Variants in MCCC1 observed in about 807,000 individuals in gnomAD.
MCCC1 encodes methylcrotonyl-CoA carboxylase subunit 1, also known as methylcrotonoyl-CoA carboxylase subunit alpha, mitochondrial.
In MCCC1, 64 loss-of-function variants were observed where a neutral mutation model predicts 83.8. The observed-to-expected ratio is 0.76, with a 90% CI of 0.62 to 0.94. The LOEUF is 0.94. MCCC1 is among the 40% of genes least tolerant of loss of function. MCCC1 has a pLI of 0.00. For synonymous variants in MCCC1, 322 were observed against 315.4 expected, an observed-to-expected ratio of 1.02 and a Z score of -0.22; for missense variants, 807 against 904.7, an observed-to-expected ratio of 0.89 and a Z score of 1.39.
In MCCC1 at chr3:183,037,416, T is replaced by C; in HGVS notation, c.1396A>G (p.Asn466Asp). The C allele has an allele frequency of 6.2e-7, 1 of 1,614,140 alleles. No individual in the cohort carries two copies. The highest frequency in any genetic ancestry group is 8.5e-7 in the Non-Finnish European group (1 of 1,180,020). Residue 466 changes from asparagine to aspartate, a missense_variant, in exon 13 of 19, where the codon AAC becomes GAC. Transcript: ENST00000265594. ...RQYNIVGLHTNIDFLLNLSGH... is the reference protein window; with the variant it reads ...RQYNIVGLHTDIDFLLNLSGH... ...GACAGGTTGAGTAAGAAGTCAATGTTGGTGTGCAGTCCAACAATCTAGGAA... is the reference window on the plus strand; with the variant it reads ...GACAGGTTGAGTAAGAAGTCAATGTCGGTGTGCAGTCCAACAATCTAGGAA...
chr3:183,062,926 T>C (rs13066020), intron 7 of MCCC1, among the ~76,000 whole-genome samples: 136,224 of 152,166 alleles, frequency 0.9, 61,366 homozygotes, highest in East Asian at 1. Context: ...ACAGATGCAG[T>C]TGAGTCCTAT....
At chr3:183,094,875 A>C (rs1005488465) in intron 1 of MCCC1, among the ~76,000 whole-genome samples, 1 of 152,198 alleles carries the variant, frequency 6.6e-6, no homozygotes, top group Non-Finnish European at 1.5e-5. Context: ...TTAAACAACC[A>C]AGGTATACCA....
chr3:183,015,966 T>C (rs1469501345), intron 18 of MCCC1, among the ~76,000 whole-genome samples: 6 of 151,892 alleles, frequency 4.0e-5, no homozygotes, highest in African/African-American at 1.2e-4. Context: ...TCTCACTCTG[T>C]CACCCAGGCT....
intron 18 of MCCC1, among the ~76,000 whole-genome samples, chr3:183,015,895 T>C (rs1478134440): frequency 6.6e-6 from 1 of 151,956 alleles, no homozygotes; most frequent in Admixed American, 6.6e-5. Flanking sequence ...CAACAGTTTT[T>C]TGTTTGCTTG....
intron 1 of MCCC1, 100 bp downstream of exon 1, chr3:183,099,252 C>G (rs549234777): frequency 7.1e-7 from 1 of 1,407,800 alleles, no homozygotes; most frequent in South Asian, 1.2e-5. Flanking sequence ...CCGTCCTCCC[C>G]ACACCGACCC....
Position 183,041,161 on chromosome 3 carries a change from AT to A in MCCC1, c.1267+405del, listed in dbSNP as rs1441886387. Among the ~76,000 whole-genome samples, 7 of 152,182 alleles carry A rather than the reference AT, an allele frequency of 4.6e-5. No homozygotes were observed. In the South Asian group the frequency reaches 6.2e-4, roughly 14 times the overall value. On this transcript the variant is annotated intron_variant, in intron 11 of 18. Coordinates refer to ENST00000265594, the MANE Select transcript of MCCC1 (RefSeq NM_020166.5). ...GCTCTTCCACTGTTTCTTTACTTTA[AT>A]TTTTTTATTGTTTAGCTTATACTAA...
upstream of MCCC1, chr3:183,099,711 G>C (rs1211608283): frequency 1.8e-6 from 1 of 564,262 alleles, no homozygotes; most frequent in African/African-American, 1.9e-5. Flanking sequence ...GGCCTGCTCT[G>C]ACTAAGGCAA....
chr3:183,080,845 G>A (rs141711347), intron 4 of MCCC1, among the ~76,000 whole-genome samples: 1 of 152,360 alleles, frequency 6.6e-6, no homozygotes, highest in Admixed American at 6.5e-5. Context: ...GGCAGGCAAA[G>A]AGAGAGCTTG....
At chr3:183,114,983 C>T (rs949693394) in intron 1 of MCCC1, among the ~76,000 whole-genome samples, 3 of 152,116 alleles carry the variant, frequency 2.0e-5, no homozygotes, top group Admixed American at 1.3e-4. Context: ...TCTCCCGGCT[C>T]GTGGTGCTAA....
intron 10 of MCCC1, among the ~76,000 whole-genome samples, chr3:183,042,050 C>T (rs1446445788): frequency 6.6e-6 from 1 of 152,134 alleles, no homozygotes; most frequent in Non-Finnish European, 1.5e-5. Flanking sequence ...ATAATCAAAA[C>T]CAAAACTTCT....
At chr3:183,044,099 A>C (rs1714335033) in intron 10 of MCCC1, among the ~76,000 whole-genome samples, 1 of 152,206 alleles carries the variant, frequency 6.6e-6, no homozygotes, top group African/African-American at 2.4e-5. Context: ...ATTATTATCT[A>C]CAGAAGTTCT....
rs906318651 is a variant in MCCC1 at position 183,064,777 on chromosome 3, C to T, written c.761+6222G>A. On this transcript the variant is annotated intron_variant, in intron 7 of 18. Transcript: ENST00000265594. This position sits in a 1 kb window ranked among gnomAD's most constrained non-coding sequence, Gnocchi z 4.5. ...AGCGGGTAATGTAGGGGTGCAGCACCGGCAGGAGGCGCCTCAGAGCCATGG... is the reference window on the plus strand; with the variant it reads ...AGCGGGTAATGTAGGGGTGCAGCACTGGCAGGAGGCGCCTCAGAGCCATGG... 2.0e-5 allele frequency among the ~76,000 whole-genome samples: 3 copies of T among 152,214 alleles called. No homozygotes were observed. The highest frequency in any genetic ancestry group is 6.5e-5 in the Admixed American group (1 of 15,284).
At chr3:183,039,938 T>C (rs1359636596) in intron 11 of MCCC1, among the ~76,000 whole-genome samples, 2 of 151,102 alleles carry the variant, frequency 1.3e-5, no homozygotes, top group South Asian at 2.1e-4. Flanking sequence ...CTACTAAAAA[T>C]ACAAAAAATT....
At chr3:183,057,271 A>G (rs1177406065) in intron 8 of MCCC1, 40 bp downstream of exon 8, 10 of 1,419,380 alleles carry the variant, frequency 7.0e-6, no homozygotes, top group African/African-American at 2.8e-5. Flanking sequence ...TAAGATTCAC[A>G]TTACGGAGAA....
intron 3 of MCCC1, 98 bp downstream of exon 3, chr3:183,092,311 A>G (rs1157216458): frequency 9.3e-6 from 14 of 1,508,624 alleles, no homozygotes; most frequent in Non-Finnish European, 1.3e-5. Flanking sequence ...TTCAACCCTG[A>G]TAACACTAGC....
Position 183,015,581 on chromosome 3 carries a change from G to A in MCCC1, c.2050-15C>T, listed in dbSNP as rs200911643. ...TTTATGGTATGCTGCAGAGACACAT[G>A]ACAGGACAAATGATAGCTGCAATAC... On this transcript the variant is annotated splice_polypyrimidine_tract_variant and intron_variant, in intron 18 of 18. Coordinates refer to ENST00000265594, the MANE Select transcript of MCCC1 (RefSeq NM_020166.5). 9 of 1,613,972 alleles carry A rather than the reference G, an allele frequency of 5.6e-6. No homozygotes were observed. The East Asian group carries it at 2.0e-4, about 36-fold the overall frequency.
At chr3:183,089,648 A>T (rs542281826) in intron 3 of MCCC1, among the ~76,000 whole-genome samples, 1 of 151,890 alleles carries the variant, frequency 6.6e-6, no homozygotes, top group South Asian at 2.1e-4. Context: ...GAGTTAAGTT[A>T]TAGGTGGGAG....
At chr3:183,104,241 G>A (rs550626936), upstream of MCCC1, among the ~76,000 whole-genome samples, 1 of 152,322 alleles carries the variant, frequency 6.6e-6, no homozygotes, top group African/African-American at 2.4e-5. Flanking sequence ...GCCAAACTGG[G>A]AGCCCAGGCA....
Position 183,041,738 on chromosome 3 carries a change from C to T in MCCC1, c.1096G>A (p.Glu366Lys), listed in dbSNP as rs201386261. 5.0e-6 allele frequency: 8 copies of T among 1,614,174 alleles called. No homozygotes were observed. In the East Asian group the frequency reaches 1.6e-4, roughly 31 times the overall value. ...TCTTCCTGGCTCAAAGGAATCTTCT[C>T]TCCTGCTGCAATCTGGCAATAGAAT... The part of the protein sequence containing the change: ...VEWQLRIAAG[E>K]KIPLSQEEIT... The change falls in exon 11 of 19, where the codon GAG becomes AAG. Residue 366 changes from glutamate to lysine, a missense_variant. Physicochemically the swap from Glu to Lys is moderately conservative, Grantham distance 56 (BLOSUM62 1). Coordinates refer to ENST00000265594, the MANE Select transcript of MCCC1 (RefSeq NM_020166.5).
Sources: allele counts gnomAD v4.1 joint callset (sites outside exome capture counted in the v4.1 genomes callset), GRCh38; gene constraint gnomAD v4.1.1; non-coding constraint Gnocchi (gnomAD v3.1); transcripts MANE v1.5; gene names NCBI Gene and HGNC (gene_info 2026-07-23, HGNC 2026-07-21).